MYO7A: variants seen among roughly 807,000 people sequenced by gnomAD.
The protein encoded by MYO7A is unconventional myosin-VIIa.
In MYO7A, 210 loss-of-function variants were observed where a neutral mutation model predicts 263.8. The ratio of observed to expected loss-of-function variants is 0.80; its 90% confidence interval spans 0.71 to 0.89. The LOEUF is 0.89. Ranked by LOEUF, MYO7A falls within the 40% of genes least tolerant of loss-of-function variation. MYO7A has a pLI of 0.00. For synonymous variants in MYO7A, 1,239 were observed against 1,197.3 expected (o/e 1.03, Z -0.72); for missense variants, 2,820 against 2,968.3 (o/e 0.95, Z 1.16).
At chr11:77,198,836 A>G (rs1003377599) in intron 34 of MYO7A, among the ~76,000 whole-genome samples, 3 of 152,208 alleles carry the variant, frequency 2.0e-5, no homozygotes, top group Admixed American at 1.3e-4. Flanking sequence ...TGAGACAGGA[A>G]TGGGCTGTCA....
At chr11:77,196,447 G>A (rs1956670751) in intron 32 of MYO7A, among the ~76,000 whole-genome samples, 1 of 151,850 alleles carries the variant, frequency 6.6e-6, no homozygotes, top group African/African-American at 2.4e-5. Context: ...ACGCAAATAT[G>A]GTAGGTTGGG....
chr11:77,211,008 A>G, intron 44 of MYO7A, 144 bp from the exon 45 acceptor site: 1 of 707,790 alleles, frequency 1.4e-6, no homozygotes, highest in East Asian at 2.7e-5. Flanking sequence ...CTGGGGGAGC[A>G]GTGTCAGCTG....
chr11:77,203,015 G>T, intron 37 of MYO7A, 45 bp from the exon 38 acceptor site: 1 of 1,538,626 alleles, frequency 6.5e-7, no homozygotes, highest in Non-Finnish European at 8.8e-7. Flanking sequence ...TCTCCCCGGG[G>T]CTGCCAGCGA....
chr11:77,137,682 TGA>T (rs1950958889), intron 2 of MYO7A, among the ~76,000 whole-genome samples: 1 of 152,142 alleles, frequency 6.6e-6, no homozygotes, highest in South Asian at 2.1e-4. Flanking sequence ...GGGAGAGCTC[TGA>T]GCCATCGAGG....
chr11:77,162,868 A>G lies in MYO7A; in HGVS notation c.1570A>G (p.Met524Val), dbSNP rs1362357242. The change falls in exon 14 of 49, where the codon ATG (methionine) becomes GTG (valine). Residue 524 changes from methionine (M) to valine (V), a missense_variant. Coordinates refer to ENST00000409709, the MANE Select transcript of MYO7A (RefSeq NM_000260.4). ...CACTCCCCAGGGCACAGACACCACC[A>G]TGTTACACAAGCTGAACTCCCAGCA... Reference protein sequence around the residue: ...SKFPKGTDTTMLHKLNSQHKL... With the variant: ...SKFPKGTDTTVLHKLNSQHKL... The G allele has an allele frequency of 1.2e-6, 2 of 1,613,622 alleles. No individual in the cohort carries two copies. The highest frequency in any genetic ancestry group is 1.7e-6 in the Non-Finnish European group (2 of 1,179,810).
chr11:77,197,054 C>G (rs10899360), intron 32 of MYO7A, among the ~76,000 whole-genome samples: 88,687 of 151,976 alleles, frequency 0.58, 26,342 homozygotes, highest in African/African-American at 0.68. Context: ...CACAGTCCCC[C>G]AGGACCTGGC....
chr11:77,172,822 G>T lies in MYO7A; in HGVS notation c.1872G>T (p.Thr624=), dbSNP rs370110939. ...GGTCACTGGAGCTGCTGATGCGCAC[G>T]CTGGGTGCCTGCCAGCCCTTCTTTG... ...FKRSLELLMR[T]LGACQPFFVR... Residue 624 remains threonine, a synonymous_variant, in exon 16 of 49, where the codon ACG becomes ACT. Transcript: ENST00000409709. The T allele has an allele frequency of 4.5e-6, 7 of 1,553,164 alleles. No homozygotes were observed. The East Asian group carries it at 1.7e-4, about 38-fold the overall frequency.
At chr11:77,177,696 G>A in intron 19 of MYO7A, 53 bp downstream of exon 19, 6 of 1,479,650 alleles carry the variant, frequency 4.1e-6, no homozygotes, top group East Asian at 4.8e-5. Context: ...AGGTGTACGT[G>A]TGGTGTTTGG....
chr11:77,166,160 A>G lies in MYO7A; in HGVS notation c.1795A>G (p.Met599Val), dbSNP rs1352497356. The change falls in exon 15 of 49, where the codon ATG becomes GTG. Residue 599 changes from methionine to valine, a missense_variant and splice_region_variant. By Grantham distance (21) the Met-to-Val change is conservative. Coordinates refer to ENST00000409709, the MANE Select transcript of MYO7A (RefSeq NM_000260.4). The part of the protein sequence containing the change: ...IKQIFQADVA[M>V]GAETRKRSPT... ...GCAGATCTTCCAGGCCGATGTCGCCATGGTAAGCCGGGTGCGGTTTCTGTT... is the reference window on the plus strand; with the variant it reads ...GCAGATCTTCCAGGCCGATGTCGCCGTGGTAAGCCGGGTGCGGTTTCTGTT... 5 of 1,613,714 alleles carry G rather than the reference A, an allele frequency of 3.1e-6. No homozygotes were observed. Among genetic ancestry groups the G allele is most frequent in the Non-Finnish European group, 4.2e-6 (5 of 1,179,720 alleles).
intron 18 of MYO7A, among the ~76,000 whole-genome samples, chr11:77,176,149 G>A (rs987817659): frequency 3.3e-5 from 5 of 152,228 alleles, no homozygotes; most frequent in African/African-American, 9.6e-5. Context: ...CTGGTGTGGG[G>A]GGTGGGGCCT....
chr11:77,168,599 A>C (rs1298724009), intron 15 of MYO7A, among the ~76,000 whole-genome samples: 1 of 152,168 alleles, frequency 6.6e-6, no homozygotes, highest in Admixed American at 6.5e-5. Context: ...GTTCAAGACC[A>C]GCCTGGGCAA....
chr11:77,160,372 G>C (rs1464466154), intron 11 of MYO7A, 90 bp downstream of exon 11: 17 of 1,482,474 alleles, frequency 1.1e-5, no homozygotes, highest in African/African-American at 1.4e-5. Flanking sequence ...CTGGGAGGTG[G>C]GTAGACATCT....
rs111033198 is a variant in MYO7A at position 77,211,170 on chromosome 11, C to T, written c.6070C>T (p.Arg2024Ter). The change falls in exon 45 of 49, where the codon CGA becomes TGA. Residue 2024 changes from arginine (R) to a stop codon, truncating the protein, a stop_gained. Transcript: ENST00000409709. LOFTEE classifies it high-confidence loss of function. ...HYYQELPKYL[R>*]GYHKCTREEV... ...CTGACAGGAGTTGCCCAAGTATCTCCGAGGCTACCACAAGTGCACGCGGGA... is the reference window on the plus strand; with the variant it reads ...CTGACAGGAGTTGCCCAAGTATCTCTGAGGCTACCACAAGTGCACGCGGGA... 11 of 1,585,046 alleles carry T rather than the reference C, an allele frequency of 6.9e-6. No individual in the cohort carries two copies. Among genetic ancestry groups the T allele is most frequent in the South Asian group, 1.2e-5 (1 of 86,330 alleles).
rs973998090 is a variant in MYO7A at position 77,214,902 on chromosome 11, C to A, written c.*206C>A. ...GGATGCAGAACTTCCCTCCATCCAC[C>A]CCTCTGGCACCTGGGTTGGTCTAAT... is the stretch of plus-strand genomic sequence containing the variant. On this transcript the variant is annotated 3_prime_UTR_variant, in exon 49 of 49. Transcript: ENST00000409709. The A allele has an allele frequency of 5.4e-6, 3 of 551,000 alleles. No individual in the cohort carries two copies. The highest frequency in any genetic ancestry group is 9.7e-6 in the Non-Finnish European group (3 of 308,374). The allele number at this position is 551,000 out of a possible 1,614,324, so 34.1% of individuals were successfully genotyped here. A position where few individuals can be genotyped will look rare whatever the true frequency, so the allele number is the denominator to read the frequency against.
intron 27 of MYO7A, among the ~76,000 whole-genome samples, chr11:77,187,244 G>T (rs1425858011): frequency 6.6e-6 from 1 of 152,186 alleles, no homozygotes; most frequent in African/African-American, 2.4e-5. Context: ...CGGGAAGTGA[G>T]CACATGCTGT....
chr11:77,189,031 A>T (rs1363958670), intron 27 of MYO7A, among the ~76,000 whole-genome samples: 2 of 152,148 alleles, frequency 1.3e-5, no homozygotes, highest in Non-Finnish European at 2.9e-5. Context: ...TCTCATTAGC[A>T]TGGTCACCTG....
intron 1 of MYO7A, among the ~76,000 whole-genome samples, chr11:77,129,315 G>A (rs1382125695): frequency 6.6e-6 from 1 of 152,242 alleles, no homozygotes; most frequent in African/African-American, 2.4e-5. Flanking sequence ...TGGAAGGACT[G>A]TGGGTTTGCT....
chr11:77,196,003 T>C (rs1473359094), intron 32 of MYO7A, among the ~76,000 whole-genome samples: 1 of 152,254 alleles, frequency 6.6e-6, no homozygotes, highest in Non-Finnish European at 1.5e-5. Context: ...CCAAATATCC[T>C]GCTCTTAAAA....
At chr11:77,147,321 A>C (rs1293682405) in intron 3 of MYO7A, among the ~76,000 whole-genome samples, 1 of 151,402 alleles carries the variant, frequency 6.6e-6, no homozygotes, top group Non-Finnish European at 1.5e-5. Context: ...ACCACATCTC[A>C]AGCAGCTCCC....
Sources: allele counts gnomAD v4.1 joint callset (sites outside exome capture counted in the v4.1 genomes callset), GRCh38; gene constraint gnomAD v4.1.1; transcripts MANE v1.5; gene names NCBI Gene and HGNC (gene_info 2026-07-23, HGNC 2026-07-21).